The following COL25A1 variants were observed in gnomAD, a reference collection of about 807,000 sequenced individuals.
COL25A1 encodes the protein collagen type XXV alpha 1 chain, also known as collagen alpha-1(XXV) chain.
Under a neutral mutation model 128.4 loss-of-function variants are expected in COL25A1, and 103 were observed. The ratio of observed to expected loss-of-function variants is 0.80; its 90% CI spans 0.68 to 0.94. COL25A1 has a LOEUF of 0.94. Ranked by LOEUF, COL25A1 falls within the 40% of genes least tolerant of loss-of-function variation. COL25A1 has a pLI of 0.00. For missense variants in COL25A1, 745 were observed against 840.0 expected (o/e 0.89, Z 1.40); for synonymous variants, 279 against 277.2 (o/e 1.01, Z -0.06).
intron 8 of COL25A1, among the ~76,000 whole-genome samples, chr4:108,970,602 A>G (rs539058135): frequency 6.6e-6 from 1 of 152,242 alleles, no homozygotes; most frequent in Admixed American, 6.5e-5. Flanking sequence ...TCAAGAATAC[A>G]ATATATTGTT....
rs117394587 is a variant in COL25A1, at chr4:109,091,150, C to G, written c.368-40971G>C. ...AAAGTCTAGTCAACAGACTGACATC[C>G]AAAGCCTTCAATACTCTGACTACAA... On this transcript the variant is annotated intron_variant, in intron 3 of 37. Coordinates refer to ENST00000399132, the MANE Select transcript of COL25A1 (RefSeq NM_198721.4). 2.8e-4 allele frequency among the ~76,000 whole-genome samples: 43 copies of G among 152,284 alleles called. 1 individual carries two copies. The East Asian group carries it at 8.3e-3, about 29-fold the overall frequency.
chr4:109,047,855 C>A (rs1246160640), intron 5 of COL25A1, among the ~76,000 whole-genome samples: 18 of 151,406 alleles, frequency 1.2e-4, no homozygotes, highest in Non-Finnish European at 2.9e-5. Flanking sequence ...GCCTCAGCCG[C>A]CCGAGTAGCT....
intron 3 of COL25A1, among the ~76,000 whole-genome samples, chr4:109,248,534 T>C (rs993342521): frequency 6.6e-6 from 1 of 151,994 alleles, no homozygotes; most frequent in Non-Finnish European, 1.5e-5. Context: ...ATTTCAGAAG[T>C]ATCCCACACA....
chr4:108,821,878 C>A (rs939660407), intron 35 of COL25A1, among the ~76,000 whole-genome samples: 36 of 151,954 alleles, frequency 2.4e-4, no homozygotes, highest in Non-Finnish European at 2.8e-4. Flanking sequence ...CATTTAGAAC[C>A]AATTTTTGTA....
intron 3 of COL25A1, among the ~76,000 whole-genome samples, chr4:109,097,619 T>TATAA (rs1765512762): frequency 6.7e-6 from 1 of 149,752 alleles, no homozygotes; most frequent in African/African-American, 2.5e-5. Context: ...ATCTCAAACA[T>TATAA]ATAAATAAAT....
chr4:108,970,979 T>C (rs954947394), intron 8 of COL25A1, among the ~76,000 whole-genome samples: 1 of 152,086 alleles, frequency 6.6e-6, no homozygotes, highest in Non-Finnish European at 1.5e-5. Context: ...AATCCTGCCA[T>C]TTTCTACTTG....
At chr4:109,216,684 G>C (rs1256452544) in intron 3 of COL25A1, among the ~76,000 whole-genome samples, 1 of 151,882 alleles carries the variant, frequency 6.6e-6, no homozygotes, top group Admixed American at 6.6e-5. Context: ...CTCCTCTAGA[G>C]GCTTCAGAGG....
At chr4:109,093,724 A>G (rs1467105653) in intron 3 of COL25A1, among the ~76,000 whole-genome samples, 1 of 152,210 alleles carries the variant, frequency 6.6e-6, no homozygotes, top group Non-Finnish European at 1.5e-5. Context: ...AAAAATTTTC[A>G]GAACTAATGG....
intron 3 of COL25A1, among the ~76,000 whole-genome samples, chr4:109,130,441 G>A (rs1422037259): frequency 1.3e-5 from 2 of 152,024 alleles, no homozygotes; most frequent in Admixed American, 1.3e-4. Flanking sequence ...AAAAAATAAC[G>A]TAAGAATTCA....
At chr4:109,239,394 G>GTGTATATATATATA (rs1491198097) in intron 3 of COL25A1, among the ~76,000 whole-genome samples, 1 of 116,582 alleles carries the variant, frequency 8.6e-6, no homozygotes, top group African/African-American at 3.7e-5. Flanking sequence ...GTGTGTGTGT[G>GTGTATATATATATA]TATATATATA....
chr4:108,888,435 C>T (rs955679331), intron 18 of COL25A1, among the ~76,000 whole-genome samples: 2 of 152,150 alleles, frequency 1.3e-5, no homozygotes, highest in African/African-American at 4.8e-5. Context: ...AATATAGAAT[C>T]CACATTTACT....
intron 11 of COL25A1, among the ~76,000 whole-genome samples, chr4:108,928,522 TTATGTATTTATTTATG>T (rs1437699601): frequency 1.1e-4 from 17 of 151,896 alleles, no homozygotes; most frequent in African/African-American, 3.9e-4. Flanking sequence ...ATGTATTTAT[TTATGTATTTATTTATG>T]TATTTATTTA....
intron 31 of COL25A1, among the ~76,000 whole-genome samples, chr4:108,839,688 A>C (rs1394848721): frequency 6.6e-6 from 1 of 152,214 alleles, no homozygotes. Context: ...TTGGGCCTGA[A>C]GTTTATCATC....
At chr4:108,830,376 C>T (rs1732935351) in intron 32 of COL25A1, among the ~76,000 whole-genome samples, 1 of 152,150 alleles carries the variant, frequency 6.6e-6, no homozygotes, top group Non-Finnish European at 1.5e-5. Context: ...TTAGGTTGTT[C>T]TAATTTCATT....
At chr4:109,074,912 A>C (rs1246821628) in intron 3 of COL25A1, among the ~76,000 whole-genome samples, 1 of 152,208 alleles carries the variant, frequency 6.6e-6, no homozygotes, top group Non-Finnish European at 1.5e-5. Flanking sequence ...AGAATTGGTA[A>C]CATAAACTCA....
intron 3 of COL25A1, among the ~76,000 whole-genome samples, chr4:109,091,123 AT>A (rs2126008389): frequency 6.6e-6 from 1 of 152,320 alleles, no homozygotes; most frequent in South Asian, 2.1e-4. Flanking sequence ...ATGCTTCAGA[AT>A]AAAGTCTAGT....
intron 3 of COL25A1, among the ~76,000 whole-genome samples, chr4:109,153,624 T>C (rs903908944): frequency 6.6e-6 from 1 of 152,146 alleles, no homozygotes; most frequent in African/African-American, 2.4e-5. Flanking sequence ...TCGATTTTTG[T>C]GAAGATACAT....
At chr4:109,124,109 C>A (rs941315879) in intron 3 of COL25A1, among the ~76,000 whole-genome samples, 13 of 152,014 alleles carry the variant, frequency 8.6e-5, no homozygotes, top group Admixed American at 2.0e-4. Flanking sequence ...TTTTACTATT[C>A]TGTTTCAGGC....
intron 3 of COL25A1, among the ~76,000 whole-genome samples, chr4:109,128,618 T>C (rs1393821966): frequency 6.6e-6 from 1 of 152,186 alleles, no homozygotes; most frequent in Admixed American, 6.5e-5. Context: ...CAGACTGTCC[T>C]TGTTTGGTGC....
Sources: gnomAD v4.1 joint callset for allele counts (sites outside exome capture counted in the v4.1 genomes callset) on GRCh38, gnomAD v4.1.1 for gene constraint, MANE v1.5 for transcripts, NCBI Gene and HGNC (gene_info 2026-07-23, HGNC 2026-07-21) for gene names.